Variants in MAGI2 observed in about 807,000 individuals in gnomAD.
The protein encoded by MAGI2 is membrane associated guanylate kinase, WW and PDZ domain containing 2, also known as membrane-associated guanylate kinase, WW and PDZ domain-containing protein 2.
Under a neutral mutation model 133.3 loss-of-function variants are expected in MAGI2, and 35 were observed. The observed-to-expected ratio is 0.26, with a 90% CI of 0.20 to 0.35. The LOEUF is 0.35. Among genes scored for constraint, MAGI2 ranks in the 10% least tolerant of loss-of-function variants. MAGI2 has a pLI of 1.00. For missense variants in MAGI2, 1,636 were observed against 1,863.4 expected (o/e 0.88, Z 2.25); for synonymous variants, 729 against 710.6 (o/e 1.03, Z -0.41).
intron 15 of MAGI2, among the ~76,000 whole-genome samples, chr7:78,161,857 A>G (rs1352192620): frequency 1.3e-5 from 2 of 152,184 alleles, no homozygotes; most frequent in Non-Finnish European, 2.9e-5. Context: ...ACGTTTAAAT[A>G]AAGGAAAAGA....
intron 3 of MAGI2, among the ~76,000 whole-genome samples, chr7:78,598,520 A>T (rs1213338297): frequency 2.0e-5 from 3 of 152,166 alleles, no homozygotes; most frequent in African/African-American, 4.8e-5. Context: ...AGCCAAGGAA[A>T]CTCTTAAGAA....
chr7:78,178,303 G>C (rs1826857703), intron 13 of MAGI2, among the ~76,000 whole-genome samples: 1 of 152,192 alleles, frequency 6.6e-6, no homozygotes, highest in African/African-American at 2.4e-5. Context: ...TGGAATAATA[G>C]TGACTAGCCG....
At chr7:78,878,629 A>G (rs1795610439) in intron 2 of MAGI2, among the ~76,000 whole-genome samples, 1 of 152,200 alleles carries the variant, frequency 6.6e-6, no homozygotes, top group South Asian at 2.1e-4. Flanking sequence ...AAAATATTCT[A>G]TTCCAATCAA....
chr7:78,090,320 G>C (rs1817062565), intron 20 of MAGI2, among the ~76,000 whole-genome samples: 5 of 152,126 alleles, frequency 3.3e-5, no homozygotes, highest in Admixed American at 3.3e-4. Context: ...ATAAACTCTT[G>C]GAAAGAGGGA....
intron 7 of MAGI2, among the ~76,000 whole-genome samples, chr7:78,365,713 T>C (rs750344044): frequency 7.2e-5 from 11 of 152,196 alleles, no homozygotes; most frequent in African/African-American, 2.4e-4. Context: ...AATCTTAAAA[T>C]TGAATTTGCA....
chr7:78,144,353 C>T (rs1022965633), intron 16 of MAGI2, among the ~76,000 whole-genome samples: 1 of 152,088 alleles, frequency 6.6e-6, no homozygotes, highest in Non-Finnish European at 1.5e-5. Flanking sequence ...TATCTATTCA[C>T]TTCTTATTCT....
intron 1 of MAGI2, among the ~76,000 whole-genome samples, chr7:79,362,128 CT>C (rs60939612): frequency 6.6e-6 from 1 of 151,468 alleles, no homozygotes; most frequent in African/African-American, 2.4e-5. Flanking sequence ...AAACACATAG[CT>C]TTTTTTTAAA....
chr7:78,598,663 G>A (rs1410282013), intron 3 of MAGI2, among the ~76,000 whole-genome samples: 3 of 152,188 alleles, frequency 2.0e-5, no homozygotes, highest in Non-Finnish European at 4.4e-5. Context: ...GTTGGGAGGG[G>A]TTGCTTTGAT....
At position 78,160,042 on chromosome 7, in the gene MAGI2, T is replaced by C; in HGVS notation, c.2828A>G (p.Glu943Gly). ...GCACTTACTTATAGTGGATCCAGAC[T>C]CAGGCCTGTTCAGGGAGCTGATGAT... The part of the protein sequence containing the change: ...FVIISSLNRP[E>G]SGSTITVPHK... Residue 943 changes from glutamate (E) to glycine (G), a missense_variant, in exon 16 of 22, where the codon GAG becomes GGG. By Grantham distance (98) the Glu-to-Gly change is moderately conservative. Transcript: ENST00000354212. 1 of 1,584,130 alleles carries C rather than the reference T, an allele frequency of 6.3e-7. No homozygotes were observed. Among genetic ancestry groups the C allele is most frequent in the South Asian group, 1.2e-5 (1 of 85,690 alleles).
intron 7 of MAGI2, among the ~76,000 whole-genome samples, chr7:78,351,351 A>C (rs1019421932): frequency 6.6e-6 from 1 of 152,122 alleles, no homozygotes; most frequent in Non-Finnish European, 1.5e-5. Flanking sequence ...TACTAAAAGT[A>C]TAAAAATTAG....
intron 2 of MAGI2, among the ~76,000 whole-genome samples, chr7:78,980,159 CTG>C (rs1473710707): frequency 6.6e-6 from 1 of 151,552 alleles, no homozygotes; most frequent in Non-Finnish European, 1.5e-5. Flanking sequence ...GGAAATCTCT[CTG>C]TTCTTTGTTT....
intron 1 of MAGI2, among the ~76,000 whole-genome samples, chr7:79,361,666 C>A (rs1842386171): frequency 6.6e-6 from 1 of 152,108 alleles, no homozygotes; most frequent in South Asian, 2.1e-4. Context: ...AACACACTCA[C>A]AAGAGAGATC....
chr7:78,501,008 A>T (rs1208878317), intron 5 of MAGI2, among the ~76,000 whole-genome samples: 1 of 152,230 alleles, frequency 6.6e-6, no homozygotes, highest in Non-Finnish European at 1.5e-5. Context: ...GGACTGCTTA[A>T]GCCTTGGAGG....
chr7:78,869,669 C>T (rs944403453), intron 2 of MAGI2, among the ~76,000 whole-genome samples: 5 of 152,094 alleles, frequency 3.3e-5, no homozygotes, highest in Non-Finnish European at 7.4e-5. Flanking sequence ...CTAGGAAGAG[C>T]AAGGAAAACT....
chr7:78,867,952 A>G (rs1794718796), intron 2 of MAGI2, among the ~76,000 whole-genome samples: 1 of 152,132 alleles, frequency 6.6e-6, no homozygotes, highest in African/African-American at 2.4e-5. Flanking sequence ...AGGAGTGATA[A>G]TAAGAGGGGG....
At chr7:78,223,863 C>T (rs1443741153) in intron 10 of MAGI2, among the ~76,000 whole-genome samples, 3 of 152,102 alleles carry the variant, frequency 2.0e-5, no homozygotes, top group Non-Finnish European at 1.5e-5. Flanking sequence ...TTATATTCAT[C>T]ATCATTATTG....
intron 2 of MAGI2, among the ~76,000 whole-genome samples, chr7:78,701,714 C>T (rs1016539710): frequency 6.6e-6 from 1 of 151,794 alleles, no homozygotes; most frequent in Non-Finnish European, 1.5e-5. Context: ...TGGAAACTGG[C>T]CTTGGCCTCA....
chr7:78,162,655 G>C (rs908251483), intron 15 of MAGI2, among the ~76,000 whole-genome samples: 1 of 152,062 alleles, frequency 6.6e-6, no homozygotes, highest in Non-Finnish European at 1.5e-5. Flanking sequence ...GGATTCCCTG[G>C]GTAAGTCAAA....
chr7:78,421,851 C>T (rs1396246438), intron 6 of MAGI2, among the ~76,000 whole-genome samples: 7 of 152,068 alleles, frequency 4.6e-5, no homozygotes, highest in African/African-American at 1.2e-4. Context: ...TCATAAGGAA[C>T]ATTTTCCTTG....
Sources: gnomAD v4.1 joint callset for allele counts (sites outside exome capture counted in the v4.1 genomes callset) on GRCh38, gnomAD v4.1.1 for gene constraint, MANE v1.5 for transcripts, NCBI Gene and HGNC (gene_info 2026-07-23, HGNC 2026-07-21) for gene names.